PUDP: variants seen among roughly 807,000 people sequenced by gnomAD.
The protein encoded by PUDP is pseudouridine-5'-phosphatase.
Under a neutral mutation model 9.4 loss-of-function variants are expected in PUDP, and 8 were observed. That is an observed-to-expected ratio of 0.85 (90% CI 0.50 to 1.53). The LOEUF (loss-of-function observed/expected upper bound fraction) is 1.53. PUDP is among the 40% of genes most tolerant of loss of function. The probability of loss-of-function intolerance (pLI) is 0.00; values close to 1 mark genes in which losing one functional copy is unlikely to be tolerated. For synonymous variants in PUDP, 99 were observed against 80.7 expected, an observed-to-expected ratio of 1.23 and a Z score of -1.22; for missense variants, 188 against 189.7, an observed-to-expected ratio of 0.99 and a Z score of 0.05.
chrX:7,039,678 C>T (rs187927855), intron 1 of PUDP, among the ~76,000 whole-genome samples: 9 of 112,378 alleles, frequency 8.0e-5, no homozygotes, highest in African/African-American at 2.6e-4. Context: ...ACTGTAAGAA[C>T]AATTTCTTCT....
intron 1 of PUDP, among the ~76,000 whole-genome samples, chrX:6,983,466 G>T (rs1929064717): frequency 9.0e-6 from 1 of 111,643 alleles, no homozygotes. Flanking sequence ...ATTGGTCTTA[G>T]GCTCACAATA....
chrX:6,985,649 A>C (rs1407471900), intron 1 of PUDP, among the ~76,000 whole-genome samples: 1 of 109,801 alleles, frequency 9.1e-6, no homozygotes, highest in Non-Finnish European at 1.9e-5. Context: ...TAACTTCACC[A>C]CTCGGTCAGT....
chrX:6,720,130 A>C (rs1349638556), intron 1 of PUDP, among the ~76,000 whole-genome samples: 1 of 105,125 alleles, frequency 9.5e-6, no homozygotes, highest in East Asian at 3.0e-4. Context: ...TCATATATAT[A>C]TATACGTGTG....
rs1049456203 is a variant in PUDP, at chrX:7,134,019, G to A, written c.61+14034C>T. On this transcript the variant is annotated intron_variant, in intron 1 of 3. Coordinates refer to ENST00000381077, the MANE Select transcript of PUDP (RefSeq NM_012080.5). Reference sequence around the variant, plus strand: ...ATGAACTGAACATGTTCTTTAATCTGATTATATTTTGGTAGGCATGCAATA... The same window carrying A: ...ATGAACTGAACATGTTCTTTAATCTAATTATATTTTGGTAGGCATGCAATA... Among the ~76,000 whole-genome samples, 3 of 111,829 alleles carry A rather than the reference G, an allele frequency of 2.7e-5. No homozygotes were observed. The Admixed American group carries it at 2.9e-4, about 11-fold the overall frequency.
At chrX:6,867,811 T>C (rs748362489) in intron 3 of PUDP, among the ~76,000 whole-genome samples, 1 of 111,600 alleles carries the variant, frequency 9.0e-6, no homozygotes, top group African/African-American at 3.3e-5. Flanking sequence ...GCATTTGGCT[T>C]ATGGTTCTGG....
At chrX:6,932,101 ATAAGT>A (rs777977123) in intron 3 of PUDP, among the ~76,000 whole-genome samples, 29 of 111,888 alleles carry the variant, frequency 2.6e-4, no homozygotes, top group South Asian at 1.9e-3. Context: ...TGCACCATAC[ATAAGT>A]TAAGTTCGTA....
chrX:7,018,882 C>T (rs866803296), intron 1 of PUDP, among the ~76,000 whole-genome samples: 1 of 112,144 alleles, frequency 8.9e-6, no homozygotes, highest in Non-Finnish European at 1.9e-5. Context: ...AGATTGATAA[C>T]GTTCACTAAA....
chrX:7,022,455 A>C (rs1285013288), intron 1 of PUDP, among the ~76,000 whole-genome samples: 1 of 111,807 alleles, frequency 8.9e-6, no homozygotes, highest in African/African-American at 3.3e-5. Flanking sequence ...TGTATCCTCA[A>C]GTTTCCTCTG....
chrX:6,753,164 C>A (rs1925126146), intron 3 of PUDP, among the ~76,000 whole-genome samples: 1 of 111,478 alleles, frequency 9.0e-6, no homozygotes, highest in Non-Finnish European at 1.9e-5. Flanking sequence ...TTGATTGTGT[C>A]ATTCTTATGC....
In PUDP at chrX:7,082,017, G is replaced by T. The variant is rs769138708; in HGVS notation, c.281-4568C>A. On this transcript the variant is annotated intron_variant, in intron 2 of 3. Coordinates refer to ENST00000381077, the MANE Select transcript of PUDP (RefSeq NM_012080.5). ...TGGCTTTCCCTGAGAAGTAAAAGAC[G>T]AAAAAATGCAAATGGAGTTCTGTTC... Among the ~76,000 whole-genome samples the T allele has an allele frequency of 6.2e-5, 7 of 112,429 alleles. No individual in the cohort carries two copies. In the South Asian group the frequency reaches 2.2e-3, roughly 35 times the overall value.
At chrX:6,789,215 A>C (rs1276830688) in intron 3 of PUDP, among the ~76,000 whole-genome samples, 1 of 110,215 alleles carries the variant, frequency 9.1e-6, no homozygotes, top group Non-Finnish European at 1.9e-5. Flanking sequence ...GCTTGAACCC[A>C]GGAGGTAGAG....
In PUDP at chrX:7,148,118, G is replaced by T; in HGVS notation, c.-5C>A. 2 of 1,124,040 alleles carry T rather than the reference G, an allele frequency of 1.8e-6. No homozygotes were observed. The highest frequency in any genetic ancestry group is 3.8e-5 in the African/African-American group (2 of 52,811). The allele number at this position is 1,124,040 out of a possible 1,213,427, so 92.6% of individuals were successfully genotyped here. On this transcript the variant is annotated 5_prime_UTR_variant, in exon 1 of 4. Transcript: ENST00000381077. The stretch of plus-strand genomic sequence containing the variant: ...GGGCTGCGGGGGCGCCGCCATGGTG[G>T]CGCCTTCTGGGTCTGGGTGGGGGCG...
intron 2 of PUDP, among the ~76,000 whole-genome samples, chrX:7,098,954 C>T (rs1268294178): frequency 4.5e-5 from 5 of 110,565 alleles, no homozygotes; most frequent in Non-Finnish European, 9.5e-5. Flanking sequence ...CAGGGGAGAG[C>T]CGGCCAGGCT....
intron 3 of PUDP, among the ~76,000 whole-genome samples, chrX:6,838,245 C>G (rs935214752): frequency 5.3e-5 from 6 of 112,650 alleles, no homozygotes; most frequent in African/African-American, 1.9e-4. Context: ...TGTATTCTTT[C>G]TCTTTAGAAT....
At chrX:7,146,353 T>C (rs1268440814) in intron 1 of PUDP, among the ~76,000 whole-genome samples, 1 of 111,954 alleles carries the variant, frequency 8.9e-6, no homozygotes, top group African/African-American at 3.3e-5. Flanking sequence ...ATGAGACATC[T>C]TGTTTGGTAT....
At chrX:6,749,374 G>A (rs1925038805) in intron 3 of PUDP, among the ~76,000 whole-genome samples, 1 of 111,242 alleles carries the variant, frequency 9.0e-6, no homozygotes, top group Non-Finnish European at 1.9e-5. Flanking sequence ...TATATGGTTC[G>A]ATTGATCTGG....
At chrX:7,057,903 A>C in intron 3 of PUDP, 3 of 665,017 alleles carry the variant, frequency 4.5e-6, no homozygotes, top group Non-Finnish European at 6.8e-6. Context: ...AGGGAAGGAG[A>C]AGGGCCCGCG....
At chrX:6,902,191 C>T (rs1927700540) in intron 3 of PUDP, among the ~76,000 whole-genome samples, 1 of 112,100 alleles carries the variant, frequency 8.9e-6, no homozygotes, top group Non-Finnish European at 1.9e-5. Context: ...TCTTTTCCAA[C>T]ACTTGGGTTT....
intron 1 of PUDP, among the ~76,000 whole-genome samples, chrX:7,112,177 G>A (rs1640204811): frequency 9.0e-6 from 1 of 111,374 alleles, no homozygotes; most frequent in Non-Finnish European, 1.9e-5. Context: ...AATCTGTACT[G>A]GGCTAGCATG....
Sources: allele counts gnomAD v4.1 joint callset (sites outside exome capture counted in the v4.1 genomes callset), GRCh38; gene constraint gnomAD v4.1.1; transcripts MANE v1.5; gene names NCBI Gene and HGNC (gene_info 2026-07-23, HGNC 2026-07-21).